Variants in TDRD3 observed in about 807,000 individuals in gnomAD.
TDRD3 encodes the protein tudor domain containing 3.
Under a neutral mutation model 86.7 loss-of-function variants are expected in TDRD3, and 45 were observed. That is an observed-to-expected ratio of 0.52 (90% CI 0.41 to 0.67). TDRD3 has a LOEUF of 0.67. TDRD3 is among the 30% of genes least tolerant of loss of function. TDRD3 has a pLI of 0.00. For synonymous variants in TDRD3, 298 were observed against 301.7 expected, an observed-to-expected ratio of 0.99 and a Z score of 0.13; for missense variants, 814 against 889.0, an observed-to-expected ratio of 0.92 and a Z score of 1.07.
At chr13:60,408,512 A>T (rs936302540) in intron 1 of TDRD3, among the ~76,000 whole-genome samples, 18 of 152,180 alleles carry the variant, frequency 1.2e-4, no homozygotes, top group Non-Finnish European at 1.3e-4. Context: ...TATGGACAAT[A>T]AGATCCAGGC....
At chr13:60,503,586 C>T (rs1186546947) in intron 8 of TDRD3, among the ~76,000 whole-genome samples, 1 of 152,156 alleles carries the variant, frequency 6.6e-6, no homozygotes, top group African/African-American at 2.4e-5. Flanking sequence ...TCCTGTTTAT[C>T]TCTTCTCTGG....
intron 12 of TDRD3, among the ~76,000 whole-genome samples, chr13:60,541,520 C>T (rs1372439841): frequency 6.6e-6 from 1 of 151,698 alleles, no homozygotes; most frequent in African/African-American, 2.4e-5. Context: ...GAAGCTATTA[C>T]ATTAATCTTT....
At chr13:60,523,574 T>A (rs12860744) in intron 10 of TDRD3, among the ~76,000 whole-genome samples, 1 of 73,046 alleles carries the variant, frequency 1.4e-5, no homozygotes, top group African/African-American at 5.4e-5. Context: ...TACATTTTTC[T>A]TTTTTTTTTT....
At position 60,538,911 on chromosome 13, in the gene TDRD3, CT is replaced by C. The variant is rs1346405228; in HGVS notation, c.2118+3682del. Among the ~76,000 whole-genome samples, 4 of 152,106 alleles carry C rather than the reference CT, an allele frequency of 2.6e-5. No homozygotes were observed. In the East Asian group the frequency reaches 7.7e-4, roughly 29 times the overall value. On this transcript the variant is annotated intron_variant, in intron 12 of 13. Coordinates refer to ENST00000377881, the MANE Select transcript of TDRD3 (RefSeq NM_001146070.2). ...ATTAATGACCTGAATTATATTGAGA[CT>C]TTTATATCATAAGAAGTGTTTTACA...
At chr13:60,402,037 C>T in intron 1 of TDRD3, among the ~76,000 whole-genome samples, 1 of 152,206 alleles carries the variant, frequency 6.6e-6, no homozygotes. Context: ...AAGATAGCTA[C>T]TACAAAGATG....
At chr13:60,569,309 A>G (rs1958531819) in intron 13 of TDRD3, among the ~76,000 whole-genome samples, 1 of 152,194 alleles carries the variant, frequency 6.6e-6, no homozygotes, top group Admixed American at 6.5e-5. Flanking sequence ...CAAGAAAGTA[A>G]TCCCAATTAA....
At chr13:60,481,039 G>T (rs1956301530) in intron 5 of TDRD3, among the ~76,000 whole-genome samples, 1 of 152,144 alleles carries the variant, frequency 6.6e-6, no homozygotes, top group South Asian at 2.1e-4. Context: ...TTCTGAAGGG[G>T]TGGCAGCGAG....
Position 60,529,339 on chromosome 13 carries a change from CTT to C in TDRD3, c.1992+124_1992+125del, listed in dbSNP as rs1203841624. The stretch of plus-strand genomic sequence containing the variant: ...TTCTACTATTGTACCTGTTTAAAAT[CTT>C]TGAACAGATTTATAGATATATAAAG... On this transcript the variant is annotated intron_variant, in intron 11 of 13. Coordinates refer to ENST00000377881, the MANE Select transcript of TDRD3 (RefSeq NM_001146070.2). The C allele has an allele frequency of 9.3e-6, 10 of 1,074,698 alleles. No homozygotes were observed. In the African/African-American group the frequency reaches 1.6e-4, roughly 17 times the overall value. The allele number at this position is 1,074,698 out of a possible 1,614,324, so 66.6% of individuals were successfully genotyped here.
At chr13:60,427,574 G>A (rs9538694) in intron 1 of TDRD3, among the ~76,000 whole-genome samples, 6,353 of 152,142 alleles carry the variant, frequency 0.042, 176 homozygotes, top group Non-Finnish European at 0.063. Context: ...CCCTCTCTAC[G>A]TCTTTCCTTT....
chr13:60,489,085 T>TG, intron 7 of TDRD3, among the ~76,000 whole-genome samples: 1 of 152,300 alleles, frequency 6.6e-6, no homozygotes, highest in South Asian at 2.1e-4. Flanking sequence ...TATTTTTACT[T>TG]GTGTGCCTGT....
chr13:60,452,766 ATT>A (rs1371413636), intron 3 of TDRD3, among the ~76,000 whole-genome samples: 3 of 148,898 alleles, frequency 2.0e-5, no homozygotes, highest in African/African-American at 7.4e-5. Flanking sequence ...AACCACAGTT[ATT>A]TTTGCACCAA....
At chr13:60,483,903 G>C in intron 6 of TDRD3, 57 bp downstream of exon 6, 1 of 1,529,914 alleles carries the variant, frequency 6.5e-7, no homozygotes, top group Non-Finnish European at 9.0e-7. Flanking sequence ...TTTTTCATTA[G>C]CATTCAAGCT....
chr13:60,397,249 A>T lies in TDRD3; in HGVS notation c.-116A>T. ...AGCATGCCCAGTTGCAGAGCCGACC[A>T]GAGGAGTTTTTTCTTTTCTTTTCTT... On this transcript the variant is annotated 5_prime_UTR_variant, in exon 1 of 14. Coordinates refer to ENST00000377881, the MANE Select transcript of TDRD3 (RefSeq NM_001146070.2). The T allele has an allele frequency of 1.8e-6, 1 of 557,274 alleles. No homozygotes were observed. 34.5% of individuals were successfully genotyped at this position (557,274 alleles called of 1,614,324 possible).
Position 60,493,966 on chromosome 13 carries a change from A to G in TDRD3, c.718-469A>G. Among the ~76,000 whole-genome samples the G allele has an allele frequency of 1.3e-5, 2 of 152,346 alleles. 1 individual carries two copies. Among genetic ancestry groups the G allele is most frequent in the South Asian group, 4.1e-4 (2 of 4,828 alleles). On this transcript the variant is annotated intron_variant, in intron 7 of 13. Transcript: ENST00000377881. ...GATTAATGAAAATAATAAATTAGTA[A>G]TGAGAGTTTCAATCTAATGTTCAAA...
chr13:60,535,059 T>C (rs773385909), intron 11 of TDRD3, 49 bp from the exon 12 acceptor site: 2 of 1,605,194 alleles, frequency 1.2e-6, no homozygotes, highest in Non-Finnish European at 1.7e-6. Flanking sequence ...ATATTGCCCT[T>C]TATAGACAAT....
At chr13:60,432,521 A>T (rs754335600) in intron 1 of TDRD3, among the ~76,000 whole-genome samples, 1 of 152,194 alleles carries the variant, frequency 6.6e-6, no homozygotes, top group Non-Finnish European at 1.5e-5. Flanking sequence ...GACTAGGTAT[A>T]GTATAGTAAG....
intron 1 of TDRD3, among the ~76,000 whole-genome samples, chr13:60,397,655 G>A (rs1296826314): frequency 6.8e-6 from 1 of 147,360 alleles, no homozygotes; most frequent in Admixed American, 6.7e-5. Context: ...CCCGGGCGGC[G>A]GGCGGCGGGC....
At chr13:60,571,109 G>A (rs1463091613) in intron 13 of TDRD3, among the ~76,000 whole-genome samples, 4 of 152,148 alleles carry the variant, frequency 2.6e-5, no homozygotes, top group African/African-American at 9.6e-5. Context: ...AAATTGGTGG[G>A]GGACAGTGCC....
At chr13:60,419,018 A>G (rs976828319) in intron 1 of TDRD3, among the ~76,000 whole-genome samples, 23 of 152,224 alleles carry the variant, frequency 1.5e-4, no homozygotes, top group African/African-American at 5.5e-4. Flanking sequence ...GCATTCATTT[A>G]TAAGTATTTT....
Sources: allele counts gnomAD v4.1 joint callset (sites outside exome capture counted in the v4.1 genomes callset), GRCh38; gene constraint gnomAD v4.1.1; transcripts MANE v1.5; gene names NCBI Gene and HGNC (gene_info 2026-07-23, HGNC 2026-07-21).